SHC3: variants seen among roughly 807,000 people sequenced by gnomAD.
SHC3 encodes the protein SHC adaptor protein 3.
SHC3 carries 15 observed loss-of-function variants against 60.4 expected under a neutral mutation model. That is an observed-to-expected ratio of 0.25 (90% confidence interval 0.17 to 0.38). SHC3 has a LOEUF of 0.38. SHC3 is among the 10% of genes least tolerant of loss of function. The pLI is 1.00. For synonymous variants in SHC3, 294 were observed against 325.9 expected, an observed-to-expected ratio of 0.90 and a Z score of 1.05; for missense variants, 677 against 786.1, an observed-to-expected ratio of 0.86 and a Z score of 1.66.
chr9:89,020,604 T>C (rs759805811), intron 11 of SHC3, among the ~76,000 whole-genome samples: 42 of 152,182 alleles, frequency 2.8e-4, no homozygotes, highest in Non-Finnish European at 4.7e-4. Flanking sequence ...ATGAGACAGA[T>C]AAATCATCCT....
At position 89,030,224 on chromosome 9, in the gene SHC3, T is replaced by C. The variant is rs535578941; in HGVS notation, c.1656+7769A>G. Among the ~76,000 whole-genome samples the C allele has an allele frequency of 1.1e-4, 16 of 152,046 alleles. No homozygotes were observed. The South Asian group carries it at 1.7e-3, about 16-fold the overall frequency. ...TGCGCTTAATAACAGAACACCAAAA[T>C]ACATAAAGCAAAATTAATAGGAATA... On this transcript the variant is annotated intron_variant, in intron 11 of 11. Coordinates refer to ENST00000375835, the MANE Select transcript of SHC3 (RefSeq NM_016848.6).
intron 2 of SHC3, among the ~76,000 whole-genome samples, chr9:89,094,666 C>T (rs182350227): frequency 1.0e-3 from 156 of 152,144 alleles, no homozygotes; most frequent in African/African-American, 3.6e-3. Context: ...AAGTAGCCTG[C>T]TTGAGGTCAC....
intron 1 of SHC3, among the ~76,000 whole-genome samples, chr9:89,114,668 T>C (rs1825997377): frequency 6.6e-6 from 1 of 152,114 alleles, no homozygotes. Flanking sequence ...GTGATGAGTA[T>C]ATTTATATAA....
intron 1 of SHC3, among the ~76,000 whole-genome samples, chr9:89,143,309 G>A (rs767228458): frequency 2.0e-5 from 3 of 152,002 alleles, no homozygotes; most frequent in South Asian, 2.1e-4. Flanking sequence ...GACGACCAGC[G>A]GTCACTCTCA....
chr9:89,169,212 G>A lies in SHC3; in HGVS notation c.474+8775C>T, dbSNP rs374146158. 9.2e-5 allele frequency among the ~76,000 whole-genome samples: 14 copies of A among 152,204 alleles called. No homozygotes were observed. The East Asian group carries it at 1.4e-3, about 15-fold the overall frequency. ...CTCTGATGCTGGAAGAGGCCCTGCCGGACACTGAGCAGAGGAGGTTGAGAG... is the reference window on the plus strand; with the variant it reads ...CTCTGATGCTGGAAGAGGCCCTGCCAGACACTGAGCAGAGGAGGTTGAGAG... On this transcript the variant is annotated intron_variant, in intron 1 of 11. Coordinates refer to ENST00000375835, the MANE Select transcript of SHC3 (RefSeq NM_016848.6).
intron 2 of SHC3, among the ~76,000 whole-genome samples, chr9:89,084,917 C>A (rs1296713609): frequency 6.6e-6 from 1 of 152,196 alleles, no homozygotes; most frequent in Non-Finnish European, 1.5e-5. Flanking sequence ...TTGGATGGGG[C>A]TGCCCAATAC....
In SHC3 at chr9:89,063,018, C is replaced by T. The variant is rs116056235; in HGVS notation, c.835+2511G>A. On this transcript the variant is annotated intron_variant, in intron 6 of 11. Coordinates refer to ENST00000375835, the MANE Select transcript of SHC3 (RefSeq NM_016848.6). ...CCACACTGTCATCCGGTAGGCTGGG[C>T]CTCCTCACACATGGTGAAAGCAGGG... Among the ~76,000 whole-genome samples the T allele has an allele frequency of 5.5e-3, 833 of 152,320 alleles. 7 individuals are homozygous for T. The highest frequency in any genetic ancestry group is 0.019 in the African/African-American group (794 of 41,568).
At chr9:89,039,036 T>G (rs1824631021) in intron 10 of SHC3, among the ~76,000 whole-genome samples, 1 of 152,238 alleles carries the variant, frequency 6.6e-6, no homozygotes, top group African/African-American at 2.4e-5. Context: ...CAGGCATGTC[T>G]AACTAAATCC....
chr9:89,075,881 C>T (rs1456605056), intron 3 of SHC3, among the ~76,000 whole-genome samples: 3 of 152,252 alleles, frequency 2.0e-5, no homozygotes, highest in East Asian at 3.9e-4. Flanking sequence ...TTACAGGGGA[C>T]TGACAGCTGT....
intron 2 of SHC3, among the ~76,000 whole-genome samples, 199 bp from the exon 3 acceptor site, chr9:89,078,102 T>C (rs1236841301): frequency 6.6e-6 from 1 of 151,654 alleles, no homozygotes; most frequent in Non-Finnish European, 1.5e-5. Context: ...TCGTAAAACC[T>C]CTCCTGGCAA....
chr9:89,120,242 A>C (rs1000306526), intron 1 of SHC3, among the ~76,000 whole-genome samples: 1 of 152,224 alleles, frequency 6.6e-6, no homozygotes, highest in Non-Finnish European at 1.5e-5. Flanking sequence ...GAAAATCAAT[A>C]GTTTTTGTAA....
chr9:89,142,283 G>A (rs543411510), intron 1 of SHC3, among the ~76,000 whole-genome samples: 3 of 152,216 alleles, frequency 2.0e-5, no homozygotes, highest in African/African-American at 7.2e-5. Flanking sequence ...TTTAAGGCTG[G>A]GTGCGATGGC....
chr9:89,143,838 G>C (rs980464075), intron 1 of SHC3, among the ~76,000 whole-genome samples: 26 of 152,120 alleles, frequency 1.7e-4, no homozygotes, highest in African/African-American at 6.3e-4. Flanking sequence ...TTTGTAAACT[G>C]TAAGGTCATA....
At chr9:89,055,757 G>C (rs1490439438) in intron 6 of SHC3, among the ~76,000 whole-genome samples, 2 of 152,194 alleles carry the variant, frequency 1.3e-5, no homozygotes, top group Non-Finnish European at 2.9e-5. Context: ...CAGGATATTA[G>C]GAATGCCCAT....
intron 1 of SHC3, among the ~76,000 whole-genome samples, chr9:89,135,800 C>G (rs1826310656): frequency 6.6e-6 from 1 of 152,078 alleles, no homozygotes; most frequent in Non-Finnish European, 1.5e-5. Context: ...GATCAATATT[C>G]TAATTCTCAG....
intron 2 of SHC3, among the ~76,000 whole-genome samples, chr9:89,098,637 G>T (rs6559342): frequency 0.92 from 140,610 of 152,218 alleles, 65,046 homozygotes; most frequent in East Asian, 0.98. Flanking sequence ...GGTGAAACCC[G>T]GTCTCTACTA....
At chr9:89,085,903 A>AT (rs756159215) in intron 2 of SHC3, among the ~76,000 whole-genome samples, 10 of 152,168 alleles carry the variant, frequency 6.6e-5, no homozygotes, top group Non-Finnish European at 1.3e-4. Context: ...AATCCTCAGG[A>AT]TCCCACATTT....
At chr9:89,097,848 T>A (rs1455323052) in intron 2 of SHC3, among the ~76,000 whole-genome samples, 7 of 152,180 alleles carry the variant, frequency 4.6e-5, no homozygotes. Context: ...TTTTCAATAA[T>A]AAATAAAAAA....
At chr9:89,138,282 G>C (rs969388658) in intron 1 of SHC3, among the ~76,000 whole-genome samples, 3 of 152,232 alleles carry the variant, frequency 2.0e-5, no homozygotes, top group African/African-American at 7.2e-5. Flanking sequence ...AAAGGAATAA[G>C]AGAATGGCTA....
Sources: allele counts gnomAD v4.1 joint callset (sites outside exome capture counted in the v4.1 genomes callset), GRCh38; gene constraint gnomAD v4.1.1; transcripts MANE v1.5; gene names NCBI Gene and HGNC (gene_info 2026-07-23, HGNC 2026-07-21).